The following KIRREL1 variants were observed in gnomAD, a reference collection of about 807,000 sequenced individuals.
KIRREL1 encodes kirre like nephrin family adhesion molecule 1.
Under a neutral mutation model 83.3 loss-of-function variants are expected in KIRREL1, and 25 were observed. That is an observed-to-expected ratio of 0.30 (90% CI 0.22 to 0.42). The LOEUF (loss-of-function observed/expected upper bound fraction) is 0.42. KIRREL1 is among the 10% of genes least tolerant of loss of function. The probability of loss-of-function intolerance (pLI) is 1.00; values close to 1 mark genes in which losing one functional copy is unlikely to be tolerated. For synonymous variants in KIRREL1, 388 were observed against 410.4 expected, an observed-to-expected ratio of 0.95 and a Z score of 0.66; for missense variants, 812 against 1,032.3, an observed-to-expected ratio of 0.79 and a Z score of 2.92.
At chr1:158,048,299 T>G (rs983941391) in intron 1 of KIRREL1, among the ~76,000 whole-genome samples, 4 of 152,198 alleles carry the variant, frequency 2.6e-5, no homozygotes, top group Non-Finnish European at 4.4e-5. Context: ...ATTTATGTTA[T>G]CTCCATTTTA....
At chr1:158,067,682 C>T (rs1188133687) in intron 1 of KIRREL1, among the ~76,000 whole-genome samples, 2 of 152,256 alleles carry the variant, frequency 1.3e-5, no homozygotes, top group East Asian at 1.9e-4. Context: ...GACAAGCCCA[C>T]GTCTCCTAAC....
At chr1:158,073,098 G>T (rs370150209) in intron 1 of KIRREL1, among the ~76,000 whole-genome samples, 9 of 152,134 alleles carry the variant, frequency 5.9e-5, no homozygotes, top group African/African-American at 1.9e-4. Context: ...CTATATTTGG[G>T]ATTCTATGTT....
chr1:158,091,530 C>G lies in KIRREL1; in HGVS notation c.1445C>G (p.Thr482Arg). 6.2e-7 allele frequency: 1 copy of G among 1,614,236 alleles called. No homozygotes were observed. The highest frequency in any genetic ancestry group is 1.7e-5 in the Admixed American group (1 of 60,034). The change falls in exon 11 of 15, where the codon ACA (threonine) becomes AGA (arginine). Residue 482 changes from threonine to arginine, a missense_variant. Coordinates refer to ENST00000359209, the MANE Select transcript of KIRREL1 (RefSeq NM_018240.7). ...GCCTGGAACAGCTTCGGGCCAGGCACAGCCATCATCCAGCTGGAAGAGCGA... is the reference window on the plus strand; with the variant it reads ...GCCTGGAACAGCTTCGGGCCAGGCAGAGCCATCATCCAGCTGGAAGAGCGA... The part of the protein sequence containing the change: ...CTAWNSFGPG[T>R]AIIQLEEREV...
intron 1 of KIRREL1, among the ~76,000 whole-genome samples, chr1:158,002,076 A>G (rs1229649588): frequency 6.6e-6 from 1 of 152,184 alleles, no homozygotes; most frequent in Non-Finnish European, 1.5e-5. Context: ...GTGAGCAGAA[A>G]ACCTTAGAGA....
chr1:158,073,535 T>C (rs898627048), intron 1 of KIRREL1, among the ~76,000 whole-genome samples: 2 of 152,096 alleles, frequency 1.3e-5, no homozygotes, highest in African/African-American at 4.8e-5. Flanking sequence ...GGCAGGAAAA[T>C]GAAGCTTAGC....
chr1:158,029,369 A>ATGTGTGTGTGTGTGTGTGTG (rs1218198001), intron 1 of KIRREL1, among the ~76,000 whole-genome samples: 15,181 of 144,826 alleles, frequency 0.1, 950 homozygotes, highest in Non-Finnish European at 0.13. Context: ...GTGTGTGTGC[A>ATGTGTGTGTGTGTGTGTGTG]CGTGCGCGCG....
At chr1:158,034,825 A>G (rs1660431010) in intron 1 of KIRREL1, among the ~76,000 whole-genome samples, 1 of 152,212 alleles carries the variant, frequency 6.6e-6, no homozygotes, top group Non-Finnish European at 1.5e-5. Context: ...ATTTTTGGAT[A>G]ATGTGGGGCC....
chr1:158,003,276 TAG>T (rs1659418729), intron 1 of KIRREL1, among the ~76,000 whole-genome samples: 1 of 151,998 alleles, frequency 6.6e-6, no homozygotes. Flanking sequence ...GAGAACATAG[TAG>T]AGAGAGAAGG....
chr1:158,057,626 T>C (rs963610599), intron 1 of KIRREL1, among the ~76,000 whole-genome samples: 1 of 152,192 alleles, frequency 6.6e-6, no homozygotes, highest in African/African-American at 2.4e-5. Context: ...AGATGTGTAA[T>C]ATTTTTTTGG....
At chr1:158,073,579 C>G (rs1469692177) in intron 1 of KIRREL1, among the ~76,000 whole-genome samples, 1 of 152,180 alleles carries the variant, frequency 6.6e-6, no homozygotes, top group Non-Finnish European at 1.5e-5. Flanking sequence ...GGTGAGAAAG[C>G]CACACAGGCA....
chr1:158,057,699 A>G (rs1661102931), intron 1 of KIRREL1, among the ~76,000 whole-genome samples: 1 of 152,204 alleles, frequency 6.6e-6, no homozygotes, highest in South Asian at 2.1e-4. Flanking sequence ...ATGCCAGAGT[A>G]CCCAGGTACT....
At chr1:158,034,327 T>C (rs2101677245) in intron 1 of KIRREL1, among the ~76,000 whole-genome samples, 1 of 152,168 alleles carries the variant, frequency 6.6e-6, no homozygotes. Flanking sequence ...CTTCTCCTCT[T>C]TGATTTTAGA....
chr1:158,076,184 T>C lies in KIRREL1; in HGVS notation c.124T>C (p.Cys42Arg). ...VVAGQRAVLP[C>R]VLLNYSGIVQ... ...GGCTGGACAGCGGGCCGTGCTCCCC[T>C]GTGTGCTGCTCAACTACTCTGGAAT... is the stretch of plus-strand genomic sequence containing the variant. The change falls in exon 2 of 15, where the codon TGT becomes CGT. Residue 42 changes from cysteine (C) to arginine (R), a missense_variant. By Grantham distance (180) the Cys-to-Arg change is radical. Transcript: ENST00000359209. 1 of 1,614,184 alleles carries C rather than the reference T, an allele frequency of 6.2e-7. No homozygotes were observed. The highest frequency in any genetic ancestry group is 1.1e-5 in the South Asian group (1 of 91,082).
chr1:158,017,891 A>G (rs1232407938), intron 1 of KIRREL1, among the ~76,000 whole-genome samples: 1 of 312 alleles, frequency 3.2e-3, no homozygotes, highest in Non-Finnish European at 0.056. Context: ...GGGGAAAAGA[A>G]AAAAAAAAAG....
Position 158,099,727 on chromosome 1 carries a change from C to T in KIRREL1, c.*4607C>T, listed in dbSNP as rs1662444270. The T allele has an allele frequency of 6.6e-6, 1 of 152,038 alleles. No homozygotes were observed. Among genetic ancestry groups the T allele is most frequent in the Non-Finnish European group, 1.5e-5 (1 of 68,008 alleles). The allele number at this position is 152,038 out of a possible 1,614,324, so 9.4% of individuals were successfully genotyped here. On this transcript the variant is annotated 3_prime_UTR_variant, in exon 15 of 15. Transcript: ENST00000359209. ...GTCCCTACCCTGGTTTTTTGCTGGC[C>T]CCAACCACTGGCCTTGTTGAGTATC...
At chr1:158,019,991 A>T (rs1358778895) in intron 1 of KIRREL1, among the ~76,000 whole-genome samples, 1 of 152,022 alleles carries the variant, frequency 6.6e-6, no homozygotes, top group Non-Finnish European at 1.5e-5. Flanking sequence ...CCCAGGGTGA[A>T]TTTTTTTAGT....
intron 1 of KIRREL1, among the ~76,000 whole-genome samples, chr1:158,023,445 G>A (rs970436874): frequency 6.6e-6 from 1 of 152,136 alleles, no homozygotes. Context: ...TTTCACTTAA[G>A]AACAATAATA....
rs370156588 is a variant in KIRREL1, at chr1:158,020,600, C to CAAAAAAAAAAAAAAAAAAAAAAAAAAAAA, written c.52+26894_52+26895insAAAAAAAAAAAAAAAAAAAAAAAAAAAAA. On this transcript the variant is annotated intron_variant, in intron 1 of 14. Transcript: ENST00000359209. ...GCAGAATGACTGCCATACAGTAAAT[C>CAAAAAAAAAAAAAAAAAAAAAAAAAAAAA]AAAAAAAAAAAAAAAAAAAAAAGCC... is the stretch of plus-strand genomic sequence containing the variant. Among the ~76,000 whole-genome samples the CAAAAAAAAAAAAAAAAAAAAAAAAAAAAA allele has an allele frequency of 2.4e-5, 2 of 83,678 alleles. 1 individual carries two copies. Among genetic ancestry groups the CAAAAAAAAAAAAAAAAAAAAAAAAAAAAA allele is most frequent in the African/African-American group, 9.4e-5 (2 of 21,352 alleles). 54.9% of individuals were successfully genotyped at this position (83,678 alleles called of 152,430 possible).
At chr1:158,012,165 C>T (rs764643733) in intron 1 of KIRREL1, among the ~76,000 whole-genome samples, 7 of 152,128 alleles carry the variant, frequency 4.6e-5, no homozygotes, top group Non-Finnish European at 8.8e-5. Flanking sequence ...AGTCAGGTGA[C>T]CTGGATTTTA....
Sources: allele counts gnomAD v4.1 joint callset (sites outside exome capture counted in the v4.1 genomes callset), GRCh38; gene constraint gnomAD v4.1.1; transcripts MANE v1.5; gene names NCBI Gene and HGNC (gene_info 2026-07-23, HGNC 2026-07-21).